Variants in ELMO1 observed in about 807,000 individuals in gnomAD.
ELMO1 encodes the protein engulfment and cell motility protein 1.
ELMO1 carries 26 observed loss-of-function variants against 98.9 expected under a neutral mutation model. The observed-to-expected ratio is 0.26, with a 90% CI of 0.19 to 0.36. The LOEUF (loss-of-function observed/expected upper bound fraction) is 0.36. Ranked by LOEUF, ELMO1 falls within the 10% of genes least tolerant of loss-of-function variation. The pLI is 1.00. For synonymous variants in ELMO1, 346 were observed against 346.0 expected, an observed-to-expected ratio of 1.00 and a Z score of 0.00; for missense variants, 627 against 935.2, an observed-to-expected ratio of 0.67 and a Z score of 4.30.
intron 16 of ELMO1, among the ~76,000 whole-genome samples, chr7:37,009,894 A>G (rs561929224): frequency 6.6e-6 from 1 of 152,338 alleles, no homozygotes; most frequent in Non-Finnish European, 1.5e-5. Flanking sequence ...CCTAAATTCA[A>G]TCTCCTCTGC....
chr7:37,067,236 A>T (rs1364821632), intron 15 of ELMO1, among the ~76,000 whole-genome samples: 1 of 152,208 alleles, frequency 6.6e-6, no homozygotes, highest in East Asian at 1.9e-4. Flanking sequence ...ATGCTTTGAG[A>T]GTAAACATTC....
At chr7:37,153,881 G>A (rs934042819) in intron 13 of ELMO1, among the ~76,000 whole-genome samples, 2 of 152,160 alleles carry the variant, frequency 1.3e-5, no homozygotes, top group Non-Finnish European at 2.9e-5. Context: ...CGAGTAGCCT[G>A]ACTAGAAGAC....
chr7:37,195,514 G>A (rs1791912738), intron 13 of ELMO1, among the ~76,000 whole-genome samples: 1 of 152,190 alleles, frequency 6.6e-6, no homozygotes. Flanking sequence ...GAAATCCACA[G>A]GCCCCTGTCT....
At chr7:37,266,956 T>C (rs1796272716) in intron 5 of ELMO1, among the ~76,000 whole-genome samples, 3 of 149,744 alleles carry the variant, frequency 2.0e-5, no homozygotes, top group Admixed American at 1.3e-4. Context: ...GAGATTTTAG[T>C]GAGCTGAAAT....
At chr7:37,200,417 T>C (rs769608544) in intron 13 of ELMO1, among the ~76,000 whole-genome samples, 5 of 152,024 alleles carry the variant, frequency 3.3e-5, no homozygotes, top group African/African-American at 7.2e-5. Context: ...GCATATAAAA[T>C]TAAACATGAA....
intron 2 of ELMO1, among the ~76,000 whole-genome samples, chr7:37,340,369 C>T (rs1800650440): frequency 6.6e-6 from 1 of 152,118 alleles, no homozygotes; most frequent in Admixed American, 6.5e-5. Context: ...TTGTACTATC[C>T]TGGCAATTTT....
chr7:37,274,342 A>G (rs1312359925), intron 4 of ELMO1, among the ~76,000 whole-genome samples: 1 of 152,208 alleles, frequency 6.6e-6, no homozygotes, highest in African/African-American at 2.4e-5. Context: ...ATGGAGAACT[A>G]AAAATCCTTT....
At chr7:37,157,726 T>G (rs1235966770) in intron 13 of ELMO1, among the ~76,000 whole-genome samples, 1 of 152,148 alleles carries the variant, frequency 6.6e-6, no homozygotes, top group East Asian at 1.9e-4. Context: ...ATGGCCATAC[T>G]GCCCAAGGTA....
intron 16 of ELMO1, among the ~76,000 whole-genome samples, chr7:36,969,067 T>C (rs968981909): frequency 3.9e-5 from 6 of 152,142 alleles, no homozygotes; most frequent in African/African-American, 1.2e-4. Context: ...TGATGCATTT[T>C]TGAAAAAGTT....
intron 13 of ELMO1, among the ~76,000 whole-genome samples, chr7:37,184,361 T>A (rs573481528): frequency 6.6e-6 from 1 of 152,298 alleles, no homozygotes; most frequent in African/African-American, 2.4e-5. Context: ...CATGTGTGGT[T>A]CAGAGTCAGA....
chr7:36,911,001 T>C (rs1356526635), intron 16 of ELMO1, among the ~76,000 whole-genome samples: 1 of 152,160 alleles, frequency 6.6e-6, no homozygotes, highest in East Asian at 1.9e-4. Flanking sequence ...CGAGGGGATA[T>C]CTATCTTTAG....
At chr7:37,329,900 G>T (rs998480309) in intron 2 of ELMO1, among the ~76,000 whole-genome samples, 2 of 152,194 alleles carry the variant, frequency 1.3e-5, no homozygotes, top group Non-Finnish European at 2.9e-5. Flanking sequence ...TGGCATAGTT[G>T]TTTCTTGATT....
chr7:37,073,615 G>C (rs1797400766), intron 15 of ELMO1, among the ~76,000 whole-genome samples: 1 of 149,846 alleles, frequency 6.7e-6, no homozygotes, highest in Non-Finnish European at 1.5e-5. Context: ...TTTTTCCTTA[G>C]AGACAGGGTC....
chr7:37,406,676 T>A (rs1803781030), intron 1 of ELMO1, among the ~76,000 whole-genome samples: 1 of 152,068 alleles, frequency 6.6e-6, no homozygotes, highest in Non-Finnish European at 1.5e-5. Flanking sequence ...ACTCCTGACC[T>A]TGTGATCTGC....
At chr7:36,957,469 A>C (rs1469192545) in intron 16 of ELMO1, among the ~76,000 whole-genome samples, 1 of 152,044 alleles carries the variant, frequency 6.6e-6, no homozygotes, top group African/African-American at 2.4e-5. Flanking sequence ...CGATTTTCTT[A>C]CCCTTCCCTC....
At chr7:37,034,512 C>T (rs752236343) in intron 15 of ELMO1, among the ~76,000 whole-genome samples, 1 of 152,156 alleles carries the variant, frequency 6.6e-6, no homozygotes, top group Non-Finnish European at 1.5e-5. Context: ...CTATGTGTAA[C>T]TTTTGACTCC....
chr7:36,890,388 A>C (rs907803174), intron 17 of ELMO1, among the ~76,000 whole-genome samples: 1 of 152,176 alleles, frequency 6.6e-6, no homozygotes, highest in Non-Finnish European at 1.5e-5. Context: ...CTACTGAGCA[A>C]CTACCCACTG....
chr7:37,136,496 G>A (rs527316469), intron 13 of ELMO1, among the ~76,000 whole-genome samples: 27 of 152,202 alleles, frequency 1.8e-4, no homozygotes, highest in African/African-American at 6.3e-4. Context: ...AACCTATAAC[G>A]GAAAACCTAT....
At chr7:37,249,524 A>G (rs1291581623) in intron 6 of ELMO1, among the ~76,000 whole-genome samples, 1 of 152,234 alleles carries the variant, frequency 6.6e-6, no homozygotes, top group African/African-American at 2.4e-5. Flanking sequence ...TAAATTCCCC[A>G]GATTAGTGAG....
Sources: gnomAD v4.1 joint callset for allele counts (sites outside exome capture counted in the v4.1 genomes callset) on GRCh38, gnomAD v4.1.1 for gene constraint, MANE v1.5 for transcripts, NCBI Gene and HGNC (gene_info 2026-07-23, HGNC 2026-07-21) for gene names.